PGM2L1: variants seen among roughly 807,000 people sequenced by gnomAD.
PGM2L1 encodes phosphoglucomutase 2 like 1.
A neutral mutation model predicts 73.4 loss-of-function variants in PGM2L1; 35 were observed. The observed-to-expected ratio is 0.48, with a 90% CI of 0.36 to 0.63. The LOEUF (loss-of-function observed/expected upper bound fraction) is 0.63, where lower values mean the gene tolerates loss of function less well. Ranked by LOEUF, PGM2L1 falls within the 30% of genes least tolerant of loss-of-function variation. The pLI, the probability that PGM2L1 is intolerant of heterozygous loss-of-function variation, is 0.00. For missense variants in PGM2L1, 570 were observed against 742.0 expected (o/e 0.77, Z 2.69); for synonymous variants, 225 against 253.8 (o/e 0.89, Z 1.08).
At chr11:74,375,304 C>G (rs1262926212) in intron 1 of PGM2L1, among the ~76,000 whole-genome samples, 1 of 152,134 alleles carries the variant, frequency 6.6e-6, no homozygotes, top group South Asian at 2.1e-4. Flanking sequence ...ATTTCATTGT[C>G]GTGTACTTTA....
chr11:74,372,706 T>C (rs912856588), intron 2 of PGM2L1, among the ~76,000 whole-genome samples: 1 of 152,166 alleles, frequency 6.6e-6, no homozygotes, highest in Non-Finnish European at 1.5e-5. Context: ...CCTAAGGCCA[T>C]TCATTCAACT....
chr11:74,351,423 T>G lies in PGM2L1; in HGVS notation c.709A>C (p.Arg237=), dbSNP rs1270715518. The G allele has an allele frequency of 6.2e-7, 1 of 1,613,974 alleles. No individual in the cohort carries two copies. The highest frequency in any genetic ancestry group is 8.5e-7 in the Non-Finnish European group (1 of 1,179,996). ...TTTTTCAGATCTTCCATGTATCTCC[T>G]GCAAATGTCCTGCAGAGGGTCTCTC... is the stretch of plus-strand genomic sequence containing the variant. The part of the protein sequence containing the change: ...LKRDPLQDIC[R]RYMEDLKKIC... The change falls in exon 6 of 14, where the codon AGG becomes CGG. Residue 237 remains arginine (R), a synonymous_variant. Coordinates refer to ENST00000298198, the MANE Select transcript of PGM2L1 (RefSeq NM_173582.6).
intron 9 of PGM2L1, 139 bp downstream of exon 9, chr11:74,345,330 G>A (rs1380305809): frequency 2.3e-6 from 2 of 856,034 alleles, no homozygotes; most frequent in East Asian, 5.4e-5. Flanking sequence ...TATCAAAAGA[G>A]ACTGAACAAG....
intron 4 of PGM2L1, among the ~76,000 whole-genome samples, chr11:74,368,984 T>A (rs1340729949): frequency 6.6e-6 from 1 of 152,170 alleles, no homozygotes; most frequent in African/African-American, 2.4e-5. Context: ...TACACAAAAT[T>A]ACTGATACTA....
At chr11:74,372,747 C>G (rs1300970100) in intron 2 of PGM2L1, among the ~76,000 whole-genome samples, 2 of 152,104 alleles carry the variant, frequency 1.3e-5, no homozygotes, top group African/African-American at 2.4e-5. Context: ...TATTGAAGAC[C>G]TATTATATGG....
At chr11:74,380,487 T>C (rs1352570608) in intron 1 of PGM2L1, among the ~76,000 whole-genome samples, 1 of 152,086 alleles carries the variant, frequency 6.6e-6, no homozygotes, top group Non-Finnish European at 1.5e-5. Context: ...ATACTCATCA[T>C]ATAAAATGAG....
At chr11:74,351,129 T>C (rs928873160) in intron 6 of PGM2L1, among the ~76,000 whole-genome samples, 8 of 152,244 alleles carry the variant, frequency 5.3e-5, no homozygotes, top group African/African-American at 1.9e-4. Flanking sequence ...TCAAGGTTTA[T>C]CCATGTTGTG....
intron 12 of PGM2L1, among the ~76,000 whole-genome samples, chr11:74,341,600 G>A (rs1398684551): frequency 6.6e-6 from 1 of 150,528 alleles, no homozygotes; most frequent in Non-Finnish European, 1.5e-5. Context: ...GCTGAGGCAG[G>A]AGAATCAGTT....
intron 1 of PGM2L1, among the ~76,000 whole-genome samples, chr11:74,379,404 T>A (rs1862905819): frequency 6.6e-6 from 1 of 152,120 alleles, no homozygotes; most frequent in Admixed American, 6.5e-5. Flanking sequence ...CATTTCAACA[T>A]GAGATTTACA....
chr11:74,398,111 G>A lies in PGM2L1; in HGVS notation c.51C>T (p.Pro17=). ...GDLNSNLLHA[P]YHTGDPQLDT... ...CCAGCTGAGGGTCCCCGGTGTGGTAGGGGGCGTGGAGCAGGTTGGAGTTCA... is the reference window on the plus strand; with the variant it reads ...CCAGCTGAGGGTCCCCGGTGTGGTAAGGGGCGTGGAGCAGGTTGGAGTTCA... The change falls in exon 1 of 14, where the codon CCC becomes CCT. Residue 17 remains proline, a synonymous_variant. Coordinates refer to ENST00000298198, the MANE Select transcript of PGM2L1 (RefSeq NM_173582.6). 1.9e-6 allele frequency: 3 copies of A among 1,613,242 alleles called. No individual in the cohort carries two copies. The highest frequency in any genetic ancestry group is 2.5e-6 in the Non-Finnish European group (3 of 1,179,490).
chr11:74,356,839 CT>C (rs76204346), intron 5 of PGM2L1, among the ~76,000 whole-genome samples: 24,962 of 147,620 alleles, frequency 0.17, 2,248 homozygotes, highest in East Asian at 0.28. Context: ...TTGGCAATCA[CT>C]TTTTTTTTTT....
intron 1 of PGM2L1, among the ~76,000 whole-genome samples, chr11:74,385,500 C>A (rs1311620294): frequency 6.6e-6 from 1 of 151,998 alleles, no homozygotes; most frequent in Non-Finnish European, 1.5e-5. Context: ...GAATCTAACT[C>A]CTAAGTAAGA....
chr11:74,370,456 G>A (rs10793079), intron 4 of PGM2L1, among the ~76,000 whole-genome samples: 82,446 of 152,002 alleles, frequency 0.54, 24,628 homozygotes, highest in East Asian at 0.8. Flanking sequence ...TATTGCATGG[G>A]ATCCAGGTAT....
chr11:74,340,986 G>A (rs1349480649), intron 12 of PGM2L1, among the ~76,000 whole-genome samples: 1 of 152,188 alleles, frequency 6.6e-6, no homozygotes, highest in Non-Finnish European at 1.5e-5. Flanking sequence ...TTGGCTGGAG[G>A]TATAGGGAAT....
Position 74,371,652 on chromosome 11 carries a change from A to C in PGM2L1, c.386+59T>G, listed in dbSNP as rs551345462. The stretch of plus-strand genomic sequence containing the variant: ...AGAAATCCTACTACTAGACAAAAAA[A>C]TGTTTTAAATATGTTTTATTCTATT... On this transcript the variant is annotated intron_variant, in intron 3 of 13. Transcript: ENST00000298198. 1.8e-4 allele frequency: 259 copies of C among 1,452,190 alleles called. No homozygotes were observed. In the African/African-American group the frequency reaches 3.4e-3, roughly 19 times the overall value. The allele number at this position is 1,452,190 out of a possible 1,614,324, so 90.0% of individuals were successfully genotyped here. A position where few individuals can be genotyped will look rare whatever the true frequency, so the allele number is the denominator to read the frequency against.
intron 4 of PGM2L1, among the ~76,000 whole-genome samples, chr11:74,369,737 A>T (rs1001425023): frequency 2.4e-4 from 36 of 152,288 alleles, no homozygotes; most frequent in Admixed American, 1.3e-3. Context: ...TTATCTCCTG[A>T]TAAGTTTTAT....
chr11:74,398,191 C>T lies in PGM2L1; in HGVS notation c.-30G>A. On this transcript the variant is annotated 5_prime_UTR_variant, in exon 1 of 14. Transcript: ENST00000298198. ...ACCAGACAGGCGTACGGGCCGGGGG[C>T]CGGCGAAGACACTGAGTTGGGGTGG... is the stretch of plus-strand genomic sequence containing the variant. 2 of 1,590,408 alleles carry T rather than the reference C, an allele frequency of 1.3e-6. No homozygotes were observed. Among genetic ancestry groups the T allele is most frequent in the East Asian group, 2.3e-5 (1 of 44,282 alleles).
chr11:74,354,945 C>A (rs1862419908), intron 5 of PGM2L1: 2 of 936,826 alleles, frequency 2.1e-6, no homozygotes, highest in Non-Finnish European at 3.5e-6. Context: ...TCAGAAATAC[C>A]ACACTGTGAA....
At position 74,347,340 on chromosome 11, in the gene PGM2L1, G is replaced by A; in HGVS notation, c.750-3C>T. 6.3e-7 allele frequency: 1 copy of A among 1,577,016 alleles called. No individual in the cohort carries two copies. The highest frequency in any genetic ancestry group is 1.4e-5 in the African/African-American group (1 of 73,456). Reference sequence around the variant, plus strand: ...AGGTGGTCTTCGAGTTTAACTCCCTGTAAAGGAAAATCAACATAAGATCAT... The same window carrying A: ...AGGTGGTCTTCGAGTTTAACTCCCTATAAAGGAAAATCAACATAAGATCAT... On this transcript the variant is annotated splice_polypyrimidine_tract_variant and splice_region_variant and intron_variant, in intron 6 of 13. Coordinates refer to ENST00000298198, the MANE Select transcript of PGM2L1 (RefSeq NM_173582.6).
Sources: gnomAD v4.1 joint callset for allele counts (sites outside exome capture counted in the v4.1 genomes callset) on GRCh38, gnomAD v4.1.1 for gene constraint, MANE v1.5 for transcripts, NCBI Gene and HGNC (gene_info 2026-07-23, HGNC 2026-07-21) for gene names.